Variants in AGAP1 observed in about 807,000 individuals in gnomAD.
The protein encoded by AGAP1 is ArfGAP with GTPase domain, ankyrin repeat and PH domain 1, also known as arf-GAP with GTPase, ANK repeat and PH domain-containing protein 1.
AGAP1 carries 29 observed loss-of-function variants against 105.3 expected under a neutral mutation model. That is an observed-to-expected ratio of 0.28 (90% CI 0.21 to 0.38). The LOEUF (loss-of-function observed/expected upper bound fraction) is 0.38. AGAP1 is among the 10% of genes least tolerant of loss of function. The pLI, the probability that AGAP1 is intolerant of heterozygous loss-of-function variation, is 1.00. For missense variants in AGAP1, 998 were observed against 1,165.1 expected, an observed-to-expected ratio of 0.86 and a Z score of 2.09; for synonymous variants, 509 against 485.9, an observed-to-expected ratio of 1.05 and a Z score of -0.63.
chr2:235,628,985 T>C (rs1946732351), intron 1 of AGAP1, among the ~76,000 whole-genome samples: 1 of 152,116 alleles, frequency 6.6e-6, no homozygotes, highest in Admixed American at 6.5e-5. Flanking sequence ...CTAATTTTTG[T>C]ATTTTTAGTA....
At position 236,114,690 on chromosome 2, in the gene AGAP1, C is replaced by G. The variant is rs1444267875; in HGVS notation, c.2115-5502C>G. 6.6e-6 allele frequency among the ~76,000 whole-genome samples: 1 copy of G among 152,186 alleles called. No homozygotes were observed. On this transcript the variant is annotated intron_variant, in intron 16 of 17. Coordinates refer to ENST00000304032, the MANE Select transcript of AGAP1 (RefSeq NM_001037131.3). This position sits in a 1 kb window ranked among gnomAD's most constrained non-coding sequence, Gnocchi z 5.0. ...GTGTCTCGTCCTCTTATACGGGCAC[C>G]TGGCTTATTGAATTAGGGCTCTATC...
At chr2:235,825,595 T>C (rs927316064) in intron 9 of AGAP1, among the ~76,000 whole-genome samples, 1 of 152,204 alleles carries the variant, frequency 6.6e-6, no homozygotes, top group African/African-American at 2.4e-5. Flanking sequence ...TATTTTCAGT[T>C]AGGTGAAGCA....
chr2:235,516,055 T>TCTGCTGCTGCTG (rs112761133), intron 1 of AGAP1, among the ~76,000 whole-genome samples: 3,118 of 138,678 alleles, frequency 0.022, 56 homozygotes, highest in African/African-American at 0.05. Context: ...CATGGGCTCC[T>TCTGCTGCTGCTG]CTGCTGCTGC....
rs1235441846 is a variant in AGAP1 at position 235,555,025 on chromosome 2, A to G, written c.163+60176A>G. On this transcript the variant is annotated intron_variant, in intron 1 of 17. Transcript: ENST00000304032. This position sits in a 1 kb window ranked among gnomAD's most constrained non-coding sequence, Gnocchi z 5.1. ...CTTTCTCTCCAGCCAGTTCAATTGTAGAGGGTCCTGGAGAGGAGGTGGAGC... is the reference window on the plus strand; with the variant it reads ...CTTTCTCTCCAGCCAGTTCAATTGTGGAGGGTCCTGGAGAGGAGGTGGAGC... Among the ~76,000 whole-genome samples the G allele has an allele frequency of 6.6e-6, 1 of 152,126 alleles. No homozygotes were observed. Among genetic ancestry groups the G allele is most frequent in the Admixed American group, 6.5e-5 (1 of 15,282 alleles).
At chr2:235,895,359 C>T (rs893203215) in intron 10 of AGAP1, among the ~76,000 whole-genome samples, 2 of 152,030 alleles carry the variant, frequency 1.3e-5, no homozygotes, top group African/African-American at 4.8e-5. Context: ...ACTGGCCTCT[C>T]ACCTGCTTCC....
chr2:235,610,619 G>A lies in AGAP1; in HGVS notation c.164-98560G>A, dbSNP rs558224647. 2.0e-5 allele frequency among the ~76,000 whole-genome samples: 3 copies of A among 152,256 alleles called. No homozygotes were observed. The South Asian group carries it at 6.2e-4, about 32-fold the overall frequency. On this transcript the variant is annotated intron_variant, in intron 1 of 17. Transcript: ENST00000304032. The surrounding 1 kb of genome is among the most constrained non-coding windows in gnomAD (Gnocchi z 4.9). ...CCCACCTCAGATACCATCGCATTGG[G>A]GGTTGAGCTTTAAATACAAATTTCA...
rs113281868 is a variant in AGAP1, at chr2:235,824,750, A to G, written c.1050+17419A>G. ...TGTGCCCTTATATGAGACGGCCTGC[A>G]TTCTTTCGCGGTACCAAGAAATGCT... On this transcript the variant is annotated intron_variant, in intron 9 of 17. Coordinates refer to ENST00000304032, the MANE Select transcript of AGAP1 (RefSeq NM_001037131.3). This position sits in a 1 kb window ranked among gnomAD's most constrained non-coding sequence, Gnocchi z 5.2. 3.3e-5 allele frequency among the ~76,000 whole-genome samples: 5 copies of G among 152,270 alleles called. No homozygotes were observed. The highest frequency in any genetic ancestry group is 1.2e-4 in the African/African-American group (5 of 41,544).
At position 235,719,364 on chromosome 2, in the gene AGAP1, C is replaced by T. The variant is rs891700507; in HGVS notation, c.310+1720C>T. 2.0e-5 allele frequency among the ~76,000 whole-genome samples: 3 copies of T among 152,178 alleles called. No homozygotes were observed. The highest frequency in any genetic ancestry group is 7.2e-5 in the African/African-American group (3 of 41,438). ...TCGCTGTTTTCCCTTTGGGCATTCA[C>T]AGTGTGTTCCATTGTATTTGGGCCC... is the stretch of plus-strand genomic sequence containing the variant. On this transcript the variant is annotated intron_variant, in intron 3 of 17. Coordinates refer to ENST00000304032, the MANE Select transcript of AGAP1 (RefSeq NM_001037131.3). This position sits in a 1 kb window ranked among gnomAD's most constrained non-coding sequence, Gnocchi z 4.9.
In AGAP1 at chr2:235,963,340, T is replaced by G. The variant is rs2054264391; in HGVS notation, c.1484-5122T>G. 6.6e-6 allele frequency among the ~76,000 whole-genome samples: 1 copy of G among 152,220 alleles called. No homozygotes were observed. The highest frequency in any genetic ancestry group is 1.5e-5 in the Non-Finnish European group (1 of 68,044). On this transcript the variant is annotated intron_variant, in intron 12 of 17. Coordinates refer to ENST00000304032, the MANE Select transcript of AGAP1 (RefSeq NM_001037131.3). The surrounding 1 kb of genome is among the most constrained non-coding windows in gnomAD (Gnocchi z 5.1). ...CCAGAAACGTGAATTCTGAGCTAGA[T>G]GCCAGTGAGTCAGGTCACAACCAGG...
rs1010477651 is a variant in AGAP1, at chr2:236,083,177, G to T, written c.2114+33896G>T. On this transcript the variant is annotated intron_variant, in intron 16 of 17. Transcript: ENST00000304032. This position sits in a 1 kb window ranked among gnomAD's most constrained non-coding sequence, Gnocchi z 5.3. ...TCAAAAAAAAAGAAAAAGAAAAGAG[G>T]CCTCGCCTTCCATTTAGACTGGCTC... Among the ~76,000 whole-genome samples, 56 of 152,136 alleles carry T rather than the reference G, an allele frequency of 3.7e-4. No homozygotes were observed. Among genetic ancestry groups the T allele is most frequent in the African/African-American group, 1.3e-3 (54 of 41,526 alleles).
Position 236,104,531 on chromosome 2 carries a change from C to T in AGAP1, c.2115-15661C>T, listed in dbSNP as rs1331912171. 6.6e-6 allele frequency among the ~76,000 whole-genome samples: 1 copy of T among 152,230 alleles called. No homozygotes were observed. Among genetic ancestry groups the T allele is most frequent in the African/African-American group, 2.4e-5 (1 of 41,468 alleles). On this transcript the variant is annotated intron_variant, in intron 16 of 17. Transcript: ENST00000304032. The surrounding 1 kb of genome is among the most constrained non-coding windows in gnomAD (Gnocchi z 4.7). The stretch of plus-strand genomic sequence containing the variant: ...ACAGGGCTGTGAGGGTCAGGACCAC[C>T]ATCAGAATCCCTTACAAAGCCACAG...
rs530943218 is a variant in AGAP1, at chr2:235,750,132, G to C, written c.539-222G>C. On this transcript the variant is annotated intron_variant, in intron 5 of 17. Transcript: ENST00000304032. This position sits in a 1 kb window ranked among gnomAD's most constrained non-coding sequence, Gnocchi z 5.3. ...TCTTTCTGAACATTTTAAAATTGCA[G>C]TTTCAGAAGCGCTCCTGTAAAACAA... Among the ~76,000 whole-genome samples, 7 of 152,292 alleles carry C rather than the reference G, an allele frequency of 4.6e-5. No individual in the cohort carries two copies. Among genetic ancestry groups the C allele is most frequent in the East Asian group, 1.9e-4 (1 of 5,186 alleles).
intron 12 of AGAP1, among the ~76,000 whole-genome samples, chr2:235,935,346 A>C (rs997666244): frequency 1.3e-5 from 2 of 152,222 alleles, no homozygotes; most frequent in African/African-American, 4.8e-5. Context: ...TAAATGCAGA[A>C]ACATATTCAT....
intron 13 of AGAP1, among the ~76,000 whole-genome samples, chr2:235,999,326 GTGGTGA>G (rs1193325919): frequency 2.2e-5 from 3 of 138,516 alleles, no homozygotes; most frequent in East Asian, 2.1e-4. Context: ...GGTGGTGGTG[GTGGTGA>G]TGATGATAGT....
At position 236,114,465 on chromosome 2, in the gene AGAP1, G is replaced by A. The variant is rs2059721778; in HGVS notation, c.2115-5727G>A. Among the ~76,000 whole-genome samples the A allele has an allele frequency of 6.6e-6, 1 of 152,198 alleles. No homozygotes were observed. Among genetic ancestry groups the A allele is most frequent in the South Asian group, 2.1e-4 (1 of 4,830 alleles). On this transcript the variant is annotated intron_variant, in intron 16 of 17. Coordinates refer to ENST00000304032, the MANE Select transcript of AGAP1 (RefSeq NM_001037131.3). This position sits in a 1 kb window ranked among gnomAD's most constrained non-coding sequence, Gnocchi z 5.0. The stretch of plus-strand genomic sequence containing the variant: ...CTATCCAGAGTATGTGTCAGCTCAG[G>A]CTGCCAAAATAAAGTATTACACTTG...
rs1288426226 is a variant in AGAP1, at chr2:236,126,445, A to G, written c.*2323A>G. The G allele has an allele frequency of 6.6e-6, 1 of 152,234 alleles. No individual in the cohort carries two copies. The highest frequency in any genetic ancestry group is 1.5e-5 in the Non-Finnish European group (1 of 68,048). The allele number at this position is 152,234 out of a possible 1,614,324, so 9.4% of individuals were successfully genotyped here. Reference sequence around the variant, plus strand: ...ATTCCCACTATAGGAATGCTTTATCATAGTGAAGTTTCTTTTGAGAAGAAA... The same window carrying G: ...ATTCCCACTATAGGAATGCTTTATCGTAGTGAAGTTTCTTTTGAGAAGAAA... On this transcript the variant is annotated 3_prime_UTR_variant, in exon 18 of 18. Coordinates refer to ENST00000304032, the MANE Select transcript of AGAP1 (RefSeq NM_001037131.3).
Position 235,717,540 on chromosome 2 carries a change from G to C in AGAP1, c.223-17G>C, listed in dbSNP as rs551715041. ...AGTGATTTGATGATGCTTAACGGTT[G>C]TCCGTTTCTGTTTCAGGGAATTGTG... On this transcript the variant is annotated splice_polypyrimidine_tract_variant and intron_variant, in intron 2 of 17. Transcript: ENST00000304032. 4.0e-5 allele frequency: 63 copies of C among 1,583,378 alleles called. 2 individuals are homozygous for C. In the South Asian group the frequency reaches 7.2e-4, roughly 18 times the overall value.
rs1400797804 is a variant in AGAP1 at position 236,073,752 on chromosome 2, G to A, written c.2114+24471G>A. Among the ~76,000 whole-genome samples, 2 of 152,270 alleles carry A rather than the reference G, an allele frequency of 1.3e-5. No homozygotes were observed. Among genetic ancestry groups the A allele is most frequent in the East Asian group, 3.9e-4 (2 of 5,174 alleles). ...AACTTCATTGGTGGTGGGGGTACAG[G>A]CAGGTCAGCTTGTTCACATGGGCTG... On this transcript the variant is annotated intron_variant, in intron 16 of 17. Coordinates refer to ENST00000304032, the MANE Select transcript of AGAP1 (RefSeq NM_001037131.3). This position sits in a 1 kb window ranked among gnomAD's most constrained non-coding sequence, Gnocchi z 5.4.
chr2:235,882,387 C>G lies in AGAP1; in HGVS notation c.1051-958C>G, dbSNP rs940092934. 5.8e-6 allele frequency: 9 copies of G among 1,547,564 alleles called. No homozygotes were observed. The highest frequency in any genetic ancestry group is 8.0e-6 in the Non-Finnish European group (9 of 1,127,228). ...TTAGGAAATTTCACTCCGCTTCTGC[C>G]CAGTGGTCTCTTTGGTCGGCAGGGT... On this transcript the variant is annotated intron_variant, in intron 9 of 17. Coordinates refer to ENST00000304032, the MANE Select transcript of AGAP1 (RefSeq NM_001037131.3). This position sits in a 1 kb window ranked among gnomAD's most constrained non-coding sequence, Gnocchi z 4.6.
Sources: allele counts gnomAD v4.1 joint callset (sites outside exome capture counted in the v4.1 genomes callset), GRCh38; gene constraint gnomAD v4.1.1; non-coding constraint Gnocchi (gnomAD v3.1); transcripts MANE v1.5; gene names NCBI Gene and HGNC (gene_info 2026-07-23, HGNC 2026-07-21).